DCC: variants seen among roughly 807,000 people sequenced by gnomAD.
The protein encoded by DCC is DCC netrin 1 receptor, also known as netrin receptor DCC.
DCC carries 58 observed loss-of-function variants against 172.5 expected under a neutral mutation model. The ratio of observed to expected loss-of-function variants is 0.34; its 90% CI spans 0.27 to 0.42. DCC has a LOEUF of 0.42. DCC is among the 10% of genes least tolerant of loss of function. The pLI, the probability that DCC is intolerant of heterozygous loss-of-function variation, is 1.00. For missense variants in DCC, 1,740 were observed against 1,791.0 expected (o/e 0.97, Z 0.51); for synonymous variants, 709 against 644.5 (o/e 1.10, Z -1.52).
chr18:52,882,934 C>G (rs898707645), intron 2 of DCC, among the ~76,000 whole-genome samples: 5 of 152,152 alleles, frequency 3.3e-5, no homozygotes, highest in African/African-American at 9.6e-5. Context: ...CTGGGTGCTC[C>G]CACATTAGAT....
chr18:53,350,953 C>T (rs988328777), intron 15 of DCC, among the ~76,000 whole-genome samples: 5 of 151,332 alleles, frequency 3.3e-5, no homozygotes, highest in African/African-American at 1.2e-4. Context: ...GAGAAGTGAG[C>T]GGGGATAAGA....
At chr18:53,055,604 C>A (rs190056587) in intron 5 of DCC, among the ~76,000 whole-genome samples, 90 of 152,206 alleles carry the variant, frequency 5.9e-4, no homozygotes, top group Admixed American at 6.5e-5. Context: ...GGCTAGAAAC[C>A]AACTTAACCT....
chr18:52,452,058 G>A (rs113636222), intron 1 of DCC, among the ~76,000 whole-genome samples: 68 of 152,248 alleles, frequency 4.5e-4, no homozygotes, highest in African/African-American at 1.5e-3. Flanking sequence ...GCCCCAGTTT[G>A]CAGATAGAGG....
At chr18:53,354,895 T>C (rs2057859450) in intron 15 of DCC, among the ~76,000 whole-genome samples, 1 of 151,710 alleles carries the variant, frequency 6.6e-6, no homozygotes, top group African/African-American at 2.4e-5. Context: ...CTTCTAGGTT[T>C]TTATGGTTTT....
chr18:53,066,351 GTGTATATATATA>G, intron 7 of DCC, among the ~76,000 whole-genome samples, 185 bp downstream of exon 7: 1 of 90,174 alleles, frequency 1.1e-5, no homozygotes, highest in South Asian at 4.7e-4. Flanking sequence ...GTGTACATGT[GTGTATATATATA>G]TATATATATA....
intron 5 of DCC, among the ~76,000 whole-genome samples, chr18:52,934,000 T>C (rs909111323): frequency 6.6e-6 from 1 of 151,990 alleles, no homozygotes; most frequent in Non-Finnish European, 1.5e-5. Context: ...TAAGATCCCC[T>C]CCTAGCCTTC....
chr18:52,340,696 G>A lies in DCC; in HGVS notation c.-92G>A. ...GGAGGAAGCCGAAGGGGCTCGGCGC[G>A]TGTGTGTGCATGTGTGCATGCGTGT... On this transcript the variant is annotated 5_prime_UTR_variant, in exon 1 of 29. In the 5' UTR this introduces an upstream ATG that the reference lacks. Coordinates refer to ENST00000442544, the MANE Select transcript of DCC (RefSeq NM_005215.4). The A allele has an allele frequency of 2.2e-6, 2 of 902,004 alleles. No individual in the cohort carries two copies. The highest frequency in any genetic ancestry group is 3.8e-6 in the Non-Finnish European group (2 of 531,228). The allele number at this position is 902,004 out of a possible 1,614,324, so 55.9% of individuals were successfully genotyped here. A position where few individuals can be genotyped will look rare whatever the true frequency, so the allele number is the denominator to read the frequency against.
intron 2 of DCC, among the ~76,000 whole-genome samples, chr18:52,804,049 G>C (rs1393955007): frequency 6.6e-6 from 1 of 152,158 alleles, no homozygotes; most frequent in Non-Finnish European, 1.5e-5. Flanking sequence ...GCCAGTGGTG[G>C]CATGTAGGGT....
At chr18:53,180,915 A>G (rs971353079) in intron 9 of DCC, among the ~76,000 whole-genome samples, 5 of 152,104 alleles carry the variant, frequency 3.3e-5, no homozygotes, top group African/African-American at 1.2e-4. Context: ...GCCCAGCCCA[A>G]CATTTGAGTC....
At chr18:53,344,094 TTCTATTA>T (rs1452445513) in intron 15 of DCC, among the ~76,000 whole-genome samples, 4 of 152,052 alleles carry the variant, frequency 2.6e-5, no homozygotes, top group African/African-American at 9.7e-5. Flanking sequence ...TTACTAACTT[TTCTATTA>T]TCTATCTATT....
intron 1 of DCC, among the ~76,000 whole-genome samples, chr18:52,615,824 G>A (rs1448583905): frequency 6.6e-6 from 1 of 152,134 alleles, no homozygotes; most frequent in Non-Finnish European, 1.5e-5. Flanking sequence ...AGGGTAGGGA[G>A]AAGCTTAGAA....
intron 1 of DCC, among the ~76,000 whole-genome samples, chr18:52,502,300 T>C (rs984964776): frequency 2.6e-5 from 4 of 152,166 alleles, no homozygotes; most frequent in African/African-American, 9.6e-5. Flanking sequence ...GGGACAAGAA[T>C]ATTGACTATA....
chr18:53,518,878 T>C (rs1438658044), intron 27 of DCC, among the ~76,000 whole-genome samples: 1 of 152,180 alleles, frequency 6.6e-6, no homozygotes, highest in Non-Finnish European at 1.5e-5. Flanking sequence ...TAATACCACT[T>C]ATTTTTAGAG....
intron 8 of DCC, among the ~76,000 whole-genome samples, chr18:53,168,099 C>T (rs1173429258): frequency 1.3e-5 from 2 of 152,168 alleles, no homozygotes; most frequent in African/African-American, 4.8e-5. Context: ...AATAAGAATA[C>T]TTTTACACTG....
chr18:52,916,436 A>G (rs551931972), intron 3 of DCC, among the ~76,000 whole-genome samples: 1 of 152,208 alleles, frequency 6.6e-6, no homozygotes, highest in Non-Finnish European at 1.5e-5. Flanking sequence ...GCTTCCCAAC[A>G]TTCAAGCACC....
Position 53,339,641 on chromosome 18 carries a change from C to T in DCC, c.2165-72C>T, listed in dbSNP as rs556411476. 4.3e-6 allele frequency: 5 copies of T among 1,152,238 alleles called. No individual in the cohort carries two copies. The Admixed American group carries it at 5.1e-5, about 12-fold the overall frequency. 71.4% of individuals were successfully genotyped at this position (1,152,238 alleles called of 1,614,324 possible). A position where few individuals can be genotyped will look rare whatever the true frequency, so the allele number is the denominator to read the frequency against. ...CATCTATGAAATATGATTTCTCTTG[C>T]TTAAATGGTGTTCTGCCGTGCTACA... On this transcript the variant is annotated intron_variant, in intron 14 of 28. Coordinates refer to ENST00000442544, the MANE Select transcript of DCC (RefSeq NM_005215.4).
chr18:52,850,037 G>A (rs932281716), intron 2 of DCC, among the ~76,000 whole-genome samples: 4 of 152,192 alleles, frequency 2.6e-5, no homozygotes, highest in Non-Finnish European at 2.9e-5. Flanking sequence ...AGTTGGTGGG[G>A]TTCGTATGAT....
At chr18:52,594,576 G>A (rs1265978856) in intron 1 of DCC, among the ~76,000 whole-genome samples, 1 of 152,112 alleles carries the variant, frequency 6.6e-6, no homozygotes, top group Non-Finnish European at 1.5e-5. Flanking sequence ...TCATTCTTGT[G>A]TTGCTATAAT....
intron 15 of DCC, among the ~76,000 whole-genome samples, chr18:53,357,451 A>G (rs2057889891): frequency 6.6e-6 from 1 of 152,204 alleles, no homozygotes; most frequent in South Asian, 2.1e-4. Flanking sequence ...AGTTTATGAA[A>G]TGCAAACATT....
Sources: gnomAD v4.1 joint callset for allele counts (sites outside exome capture counted in the v4.1 genomes callset) on GRCh38, gnomAD v4.1.1 for gene constraint, MANE v1.5 for transcripts, NCBI Gene and HGNC (gene_info 2026-07-23, HGNC 2026-07-21) for gene names.